The following BRINP1 variants were observed in gnomAD, a reference collection of about 807,000 sequenced individuals.
BRINP1 encodes BMP/retinoic acid inducible neural specific 1, also known as BMP/retinoic acid-inducible neural-specific protein 1.
A neutral mutation model predicts 72.9 loss-of-function variants in BRINP1; 17 were observed. The ratio of observed to expected loss-of-function variants is 0.23; its 90% confidence interval spans 0.16 to 0.35. BRINP1 has a LOEUF of 0.35. Ranked by LOEUF, BRINP1 falls within the 10% of genes least tolerant of loss-of-function variation. The probability of loss-of-function intolerance (pLI) is 1.00; values close to 1 mark genes in which losing one functional copy is unlikely to be tolerated. For synonymous variants in BRINP1, 418 were observed against 378.5 expected (o/e 1.10, Z -1.21); for missense variants, 850 against 1,001.6 (o/e 0.85, Z 2.04).
In BRINP1 at chr9:119,167,003, G is replaced by C; in HGVS notation, c.*81C>G. The C allele has an allele frequency of 7.0e-7, 1 of 1,418,516 alleles. No homozygotes were observed. The highest frequency in any genetic ancestry group is 9.5e-7 in the Non-Finnish European group (1 of 1,053,698). 87.9% of individuals were successfully genotyped at this position (1,418,516 alleles called of 1,614,324 possible). On this transcript the variant is annotated 3_prime_UTR_variant, in exon 8 of 8. Transcript: ENST00000265922. This position sits in a 1 kb window ranked among gnomAD's most constrained non-coding sequence, Gnocchi z 4.3. ...AATTACATTTTACAAATTTTTGTGG[G>C]TTTTTTTGTTTTGTTTTGCTTCATT...
intron 2 of BRINP1, among the ~76,000 whole-genome samples, chr9:119,254,195 T>C (rs775616152): frequency 1.3e-5 from 2 of 152,194 alleles, no homozygotes; most frequent in African/African-American, 2.4e-5. Context: ...TCAAGGGGCA[T>C]ACATGCTGGT....
At chr9:119,323,906 AT>A (rs1355191430) in intron 1 of BRINP1, among the ~76,000 whole-genome samples, 2 of 152,218 alleles carry the variant, frequency 1.3e-5, no homozygotes, top group African/African-American at 4.8e-5. Context: ...AACTAGACAG[AT>A]TGATTACTGA....
intron 1 of BRINP1, among the ~76,000 whole-genome samples, chr9:119,365,261 G>A (rs1321852856): frequency 6.6e-6 from 1 of 152,240 alleles, no homozygotes; most frequent in Non-Finnish European, 1.5e-5. Flanking sequence ...TTTGTTAAAA[G>A]TCGTGGCTGA....
chr9:119,346,659 T>C (rs915258898), intron 1 of BRINP1, among the ~76,000 whole-genome samples: 2 of 151,952 alleles, frequency 1.3e-5, no homozygotes, highest in African/African-American at 4.8e-5. Context: ...ATTGTAACAA[T>C]AGAATCGCAA....
chr9:119,331,152 AAAG>A (rs1564250222), intron 1 of BRINP1, among the ~76,000 whole-genome samples: 2 of 152,214 alleles, frequency 1.3e-5, no homozygotes. Flanking sequence ...GATTCGACTT[AAAG>A]AAGTAAAATG....
chr9:119,196,044 T>C (rs1254012235), intron 7 of BRINP1, among the ~76,000 whole-genome samples: 1 of 152,236 alleles, frequency 6.6e-6, no homozygotes, highest in Non-Finnish European at 1.5e-5. Context: ...TTCAAACAGA[T>C]ACCACTTCCT....
At chr9:119,241,141 T>C (rs7868581) in intron 4 of BRINP1, among the ~76,000 whole-genome samples, 7,693 of 152,284 alleles carry the variant, frequency 0.051, 644 homozygotes, top group African/African-American at 0.17. Flanking sequence ...ACCATTTAAT[T>C]TTTAATTAGC....
At chr9:119,327,220 G>C (rs1831249739) in intron 1 of BRINP1, among the ~76,000 whole-genome samples, 1 of 152,130 alleles carries the variant, frequency 6.6e-6, no homozygotes, top group Non-Finnish European at 1.5e-5. Context: ...CATTTGCCAT[G>C]GTGATTGGCT....
chr9:119,258,782 C>T (rs2118931741), intron 2 of BRINP1, among the ~76,000 whole-genome samples: 1 of 152,326 alleles, frequency 6.6e-6, no homozygotes, highest in South Asian at 2.1e-4. Context: ...TTACAAATCT[C>T]TGTCACCCCA....
intron 7 of BRINP1, among the ~76,000 whole-genome samples, chr9:119,172,231 A>G (rs991458217): frequency 6.6e-5 from 10 of 152,204 alleles, no homozygotes; most frequent in Admixed American, 3.3e-4. Context: ...TTGATAGACT[A>G]CTAGCAAGAC....
At chr9:119,357,418 A>T (rs977118403) in intron 1 of BRINP1, among the ~76,000 whole-genome samples, 1 of 151,844 alleles carries the variant, frequency 6.6e-6, no homozygotes, top group Non-Finnish European at 1.5e-5. Flanking sequence ...ACTCCCAGGA[A>T]GAATAAGATT....
At chr9:119,208,158 G>T (rs753324342) in intron 7 of BRINP1, among the ~76,000 whole-genome samples, 13 of 152,172 alleles carry the variant, frequency 8.5e-5, no homozygotes, top group Non-Finnish European at 1.8e-4. Flanking sequence ...AACTAGGGGA[G>T]GCAAGCAAGG....
rs1195791333 is a variant in BRINP1, at chr9:119,180,507, GT to G, written c.1146-12284del. ...TGTGTGTGTGTGTGTGTGTGTGTGT[GT>G]GTGTGTGTTAAAGAAGTGGTATTTA... On this transcript the variant is annotated intron_variant, in intron 7 of 7. Transcript: ENST00000265922. 2.5e-3 allele frequency among the ~76,000 whole-genome samples: 356 copies of G among 142,610 alleles called. 2 individuals carry two copies. Among genetic ancestry groups the G allele is most frequent in the African/African-American group, 1.0e-2 (337 of 33,800 alleles). 93.6% of individuals were successfully genotyped at this position (142,610 alleles called of 152,430 possible). A position where few individuals can be genotyped will look rare whatever the true frequency, so the allele number is the denominator to read the frequency against.
intron 5 of BRINP1, among the ~76,000 whole-genome samples, chr9:119,221,031 T>C (rs1830035493): frequency 6.6e-6 from 1 of 152,204 alleles, no homozygotes; most frequent in Non-Finnish European, 1.5e-5. Flanking sequence ...ATTTGCTCTT[T>C]TCTGACCTAT....
chr9:119,296,362 A>G (rs2118977867), intron 2 of BRINP1, among the ~76,000 whole-genome samples: 1 of 152,308 alleles, frequency 6.6e-6, no homozygotes, highest in Non-Finnish European at 1.5e-5. Flanking sequence ...ACGTGTTAGA[A>G]TAGGTATTAT....
At chr9:119,281,598 G>A (rs951167615) in intron 2 of BRINP1, among the ~76,000 whole-genome samples, 1 of 152,128 alleles carries the variant, frequency 6.6e-6, no homozygotes, top group African/African-American at 2.4e-5. Flanking sequence ...TATGAAGGGT[G>A]TGTTCCCTTT....
chr9:119,278,444 C>A (rs1336049356), intron 2 of BRINP1, among the ~76,000 whole-genome samples: 2 of 152,142 alleles, frequency 1.3e-5, no homozygotes. Context: ...TATTAGAGAA[C>A]CATTTTCATG....
chr9:119,269,717 C>T (rs1588185214), intron 2 of BRINP1, among the ~76,000 whole-genome samples: 1 of 152,164 alleles, frequency 6.6e-6, no homozygotes, highest in East Asian at 1.9e-4. Flanking sequence ...AGCAGAGGAG[C>T]CAGGAGGTTT....
intron 5 of BRINP1, among the ~76,000 whole-genome samples, chr9:119,218,387 C>T (rs1830003080): frequency 6.6e-6 from 1 of 151,894 alleles, no homozygotes; most frequent in African/African-American, 2.4e-5. Context: ...TCATGATCCA[C>T]TTGCCTCGGC....
Sources: allele counts gnomAD v4.1 joint callset (sites outside exome capture counted in the v4.1 genomes callset), GRCh38; gene constraint gnomAD v4.1.1; non-coding constraint Gnocchi (gnomAD v3.1); transcripts MANE v1.5; gene names NCBI Gene and HGNC (gene_info 2026-07-23, HGNC 2026-07-21).